The following TSC22D1 variants were observed in gnomAD, a reference collection of about 807,000 sequenced individuals.
TSC22D1 encodes TSC22 domain family member 1, also known as TSC22 domain family protein 1.
In TSC22D1, 9 loss-of-function variants were observed where a neutral mutation model predicts 74.2. The observed-to-expected ratio is 0.12, with a 90% CI of 0.07 to 0.21. TSC22D1 has a LOEUF of 0.21. TSC22D1 is among the 10% of genes least tolerant of loss of function. The probability of loss-of-function intolerance (pLI) is 1.00; values close to 1 mark genes in which losing one functional copy is unlikely to be tolerated. For synonymous variants in TSC22D1, 586 were observed against 492.5 expected (o/e 1.19, Z -2.51); for missense variants, 1,427 against 1,304.7 (o/e 1.09, Z -1.44).
intron 1 of TSC22D1, chr13:44,537,426 A>G (rs1230232933): frequency 2.0e-6 from 2 of 984,966 alleles, no homozygotes; most frequent in African/African-American, 3.5e-5. Context: ...CAATCAAAGC[A>G]TGAGATTAAG....
intron 1 of TSC22D1, among the ~76,000 whole-genome samples, chr13:44,496,992 T>C (rs1879008277): frequency 6.8e-6 from 1 of 146,554 alleles, no homozygotes; most frequent in Non-Finnish European, 1.5e-5. Context: ...GCTGCTGTGC[T>C]ATATATATAT....
In TSC22D1 at chr13:44,434,552, C is replaced by T; in HGVS notation, c.*74G>A. The T allele has an allele frequency of 6.8e-7, 1 of 1,476,946 alleles. No homozygotes were observed. Among genetic ancestry groups the T allele is most frequent in the Non-Finnish European group, 9.0e-7 (1 of 1,116,958 alleles). 91.5% of individuals were successfully genotyped at this position (1,476,946 alleles called of 1,614,324 possible). A position where few individuals can be genotyped will look rare whatever the true frequency, so the allele number is the denominator to read the frequency against. On this transcript the variant is annotated 3_prime_UTR_variant, in exon 3 of 3. Transcript: ENST00000458659. ...GCAATGAAATGGGTGACTGTGGAGGCAGATTCTCCCTAGCACATCTTCTCC... is the reference window on the plus strand; with the variant it reads ...GCAATGAAATGGGTGACTGTGGAGGTAGATTCTCCCTAGCACATCTTCTCC...
chr13:44,571,298 C>A (rs1284789875), intron 1 of TSC22D1, among the ~76,000 whole-genome samples: 3 of 152,196 alleles, frequency 2.0e-5, no homozygotes, highest in African/African-American at 7.2e-5. Flanking sequence ...TTCCTTTTCT[C>A]AATTATTATC....
Position 44,576,094 on chromosome 13 carries a change from G to A in TSC22D1, c.-20C>T, listed in dbSNP as rs1282793394. ...GTGCATTGTGTTGGGTACCGGGGGC[G>A]CGGAGGAGACGAGTGCAATTTCCTT... On this transcript the variant is annotated 5_prime_UTR_variant, in exon 1 of 3. Coordinates refer to ENST00000458659, the MANE Select transcript of TSC22D1 (RefSeq NM_183422.4). 4 of 1,505,658 alleles carry A rather than the reference G, an allele frequency of 2.7e-6. No homozygotes were observed. The highest frequency in any genetic ancestry group is 3.5e-6 in the Non-Finnish European group (4 of 1,133,178). The allele number at this position is 1,505,658 out of a possible 1,614,324, so 93.3% of individuals were successfully genotyped here.
intron 1 of TSC22D1, among the ~76,000 whole-genome samples, chr13:44,440,427 A>G (rs1875094378): frequency 6.6e-6 from 1 of 152,034 alleles, no homozygotes; most frequent in East Asian, 1.9e-4. Context: ...TTAAAAAAAA[A>G]CAAAAACAAA....
At chr13:44,479,631 C>T (rs1878087561) in intron 1 of TSC22D1, among the ~76,000 whole-genome samples, 1 of 152,172 alleles carries the variant, frequency 6.6e-6, no homozygotes, top group Non-Finnish European at 1.5e-5. Flanking sequence ...GCCACATACA[C>T]CAGCATTCTC....
intron 1 of TSC22D1, among the ~76,000 whole-genome samples, chr13:44,456,995 T>C (rs1249085258): frequency 6.6e-6 from 1 of 152,262 alleles, no homozygotes; most frequent in African/African-American, 2.4e-5. Flanking sequence ...GATCAGGCTT[T>C]TTAAAATTAA....
rs2138837004 is a variant in TSC22D1 at position 44,433,837 on chromosome 13, T to C, written c.*789A>G. 2 of 701,518 alleles carry C rather than the reference T, an allele frequency of 2.9e-6. No individual in the cohort carries two copies. The highest frequency in any genetic ancestry group is 4.3e-6 in the Non-Finnish European group (2 of 467,016). 43.5% of individuals were successfully genotyped at this position (701,518 alleles called of 1,614,324 possible). ...ATTTCTTTAGGTGTGGTTTTTGTCATGTAGCAGTTTTTATGTAGATCTATA... is the reference window on the plus strand; with the variant it reads ...ATTTCTTTAGGTGTGGTTTTTGTCACGTAGCAGTTTTTATGTAGATCTATA... On this transcript the variant is annotated 3_prime_UTR_variant, in exon 3 of 3. Coordinates refer to ENST00000458659, the MANE Select transcript of TSC22D1 (RefSeq NM_183422.4).
chr13:44,518,679 C>T (rs554533893), intron 1 of TSC22D1, among the ~76,000 whole-genome samples: 1 of 152,232 alleles, frequency 6.6e-6, no homozygotes, highest in African/African-American at 2.4e-5. Context: ...AAAATATTAT[C>T]CAAATTACTG....
At chr13:44,534,266 G>C (rs544311184) in intron 1 of TSC22D1, among the ~76,000 whole-genome samples, 1 of 147,172 alleles carries the variant, frequency 6.8e-6, no homozygotes, top group Admixed American at 6.8e-5. Flanking sequence ...GGCAGTGCAC[G>C]CCTGTAGCAG....
intron 1 of TSC22D1, among the ~76,000 whole-genome samples, chr13:44,520,613 GA>G: frequency 6.6e-6 from 1 of 152,154 alleles, no homozygotes; most frequent in Non-Finnish European, 1.5e-5. Flanking sequence ...AGTTAAATAT[GA>G]GAAAGAAGTA....
At position 44,574,517 on chromosome 13, in the gene TSC22D1, T is replaced by C. The variant is rs767829056; in HGVS notation, c.1558A>G (p.Met520Val). 6.2e-7 allele frequency: 1 copy of C among 1,614,126 alleles called. No individual in the cohort carries two copies. Among genetic ancestry groups the C allele is most frequent in the Non-Finnish European group, 8.5e-7 (1 of 1,180,014 alleles). Residue 520 changes from methionine (M) to valine (V), a missense_variant, in exon 1 of 3, where the codon ATG (methionine) becomes GTG (valine). Transcript: ENST00000458659. ...TGTGGACCAGTGCTACCAAAATCCA[T>C]CTGTTGGAGGGTCACACCTTGGAGA... ...PALQGVTLQQ[M>V]DFGSTGPQSI...
intron 1 of TSC22D1, among the ~76,000 whole-genome samples, chr13:44,509,180 C>G (rs1005736501): frequency 6.6e-6 from 1 of 152,136 alleles, no homozygotes; most frequent in Non-Finnish European, 1.5e-5. Flanking sequence ...CAGTACCCCC[C>G]CCAAAATGGT....
chr13:44,576,027 G>A lies in TSC22D1; in HGVS notation c.48C>T (p.Asp16=), dbSNP rs757304877. ...GGTGCGCCATCTTCCTAGCGCTAAT[G>A]TCTGCAGCGGCGGCGGCCGCGGCGG... ...ESTAAAAAAA[D]ISARKMAHPA... is the part of the protein sequence containing the mutation. The change falls in exon 1 of 3, where the codon GAC becomes GAT. Residue 16 remains aspartate, a synonymous_variant. Transcript: ENST00000458659. The A allele has an allele frequency of 3.8e-6, 6 of 1,583,130 alleles. No homozygotes were observed. The highest frequency in any genetic ancestry group is 1.1e-5 in the South Asian group (1 of 87,860).
intron 1 of TSC22D1, among the ~76,000 whole-genome samples, chr13:44,530,223 A>C (rs1205848470): frequency 1.3e-5 from 2 of 152,162 alleles, no homozygotes; most frequent in African/African-American, 4.8e-5. Context: ...AGTGGAATGG[A>C]ATAAAGAGCC....
intron 1 of TSC22D1, among the ~76,000 whole-genome samples, chr13:44,541,945 C>T (rs1173443663): frequency 6.6e-6 from 1 of 152,046 alleles, no homozygotes; most frequent in African/African-American, 2.4e-5. Context: ...ATTAAACAAT[C>T]ATCCTCTAGC....
rs375151736 is a variant in TSC22D1 at position 44,433,282 on chromosome 13, A to G, written c.*1344T>C. 1.3e-5 allele frequency: 2 copies of G among 152,296 alleles called. No homozygotes were observed. The highest frequency in any genetic ancestry group is 4.8e-5 in the African/African-American group (2 of 41,466). The allele number at this position is 152,296 out of a possible 1,614,324, so 9.4% of individuals were successfully genotyped here. A position where few individuals can be genotyped will look rare whatever the true frequency, so the allele number is the denominator to read the frequency against. Reference sequence around the variant, plus strand: ...CCCTACATCCGTCCAGGAGTGAAGCAACCTGTCCAAGTCACACAGTAGTTA... The same window carrying G: ...CCCTACATCCGTCCAGGAGTGAAGCGACCTGTCCAAGTCACACAGTAGTTA... On this transcript the variant is annotated 3_prime_UTR_variant, in exon 3 of 3. Coordinates refer to ENST00000458659, the MANE Select transcript of TSC22D1 (RefSeq NM_183422.4).
chr13:44,460,328 G>A (rs61949798), intron 1 of TSC22D1, among the ~76,000 whole-genome samples: 15,095 of 152,120 alleles, frequency 0.099, 785 homozygotes, highest in Non-Finnish European at 0.11. Context: ...TACTTCCAAA[G>A]GAAATTTTTT....
At chr13:44,568,530 T>A (rs1450997124) in intron 1 of TSC22D1, among the ~76,000 whole-genome samples, 1 of 152,128 alleles carries the variant, frequency 6.6e-6, no homozygotes, top group East Asian at 1.9e-4. Context: ...AGAGACAGGA[T>A]CTTGCTATAT....
Sources: allele counts gnomAD v4.1 joint callset (sites outside exome capture counted in the v4.1 genomes callset), GRCh38; gene constraint gnomAD v4.1.1; transcripts MANE v1.5; gene names NCBI Gene and HGNC (gene_info 2026-07-23, HGNC 2026-07-21).